Variants in SFMBT2 observed in about 807,000 individuals in gnomAD.
SFMBT2 encodes Scm like with four mbt domains 2.
Under a neutral mutation model 110.1 loss-of-function variants are expected in SFMBT2, and 38 were observed. The observed-to-expected ratio is 0.35, with a 90% CI of 0.27 to 0.45. SFMBT2 has a LOEUF of 0.45. Among genes scored for constraint, SFMBT2 ranks in the 20% least tolerant of loss-of-function variants. The pLI is 1.00. For synonymous variants in SFMBT2, 425 were observed against 425.4 expected (o/e 1.00, Z 0.01); for missense variants, 1,011 against 1,094.9 (o/e 0.92, Z 1.08).
In SFMBT2 at chr10:7,406,455, G is replaced by A. The variant is rs537846254; in HGVS notation, c.-52+4406C>T. ...CTTCTCAAATGTGGGAGTCCTTTGG[G>A]GGCAGTGGTTAAAAAAAAAAAAAAA... On this transcript the variant is annotated intron_variant, in intron 1 of 20. Transcript: ENST00000397167. Among the ~76,000 whole-genome samples, 450 of 150,790 alleles carry A rather than the reference G, an allele frequency of 3.0e-3. 3 individuals are homozygous for A. Among genetic ancestry groups the A allele is most frequent in the Non-Finnish European group, 5.2e-3 (353 of 67,788 alleles).
At chr10:7,185,118 G>A (rs1045293589) in intron 16 of SFMBT2, among the ~76,000 whole-genome samples, 1 of 152,164 alleles carries the variant, frequency 6.6e-6, no homozygotes, top group Middle Eastern at 3.2e-3. Context: ...ATCCCAAGGA[G>A]ACTACTGCTC....
chr10:7,347,424 A>G (rs924315629), intron 4 of SFMBT2, among the ~76,000 whole-genome samples: 2 of 152,188 alleles, frequency 1.3e-5, no homozygotes, highest in Non-Finnish European at 2.9e-5. Flanking sequence ...CACACCATCA[A>G]AGCCCTCACA....
At chr10:7,223,827 C>G (rs1839823800) in intron 10 of SFMBT2, among the ~76,000 whole-genome samples, 1 of 152,174 alleles carries the variant, frequency 6.6e-6, no homozygotes, top group South Asian at 2.1e-4. Context: ...CGTTTTGATT[C>G]AGTTGATTGT....
intron 4 of SFMBT2, among the ~76,000 whole-genome samples, chr10:7,320,921 C>T (rs960499683): frequency 1.3e-5 from 2 of 152,118 alleles, no homozygotes; most frequent in East Asian, 1.9e-4. Flanking sequence ...CTCCACTGCT[C>T]GGAATAGTAA....
chr10:7,352,763 G>A (rs572282706), intron 4 of SFMBT2, among the ~76,000 whole-genome samples: 118 of 152,350 alleles, frequency 7.7e-4, no homozygotes, highest in Non-Finnish European at 1.3e-3. Flanking sequence ...TGTAATCCCA[G>A]CACTTTGGGA....
chr10:7,345,080 G>C (rs1171421507), intron 4 of SFMBT2, among the ~76,000 whole-genome samples: 2 of 151,744 alleles, frequency 1.3e-5, no homozygotes, highest in African/African-American at 4.8e-5. Flanking sequence ...AAAGAACCCT[G>C]ACAGGGCTTC....
intron 15 of SFMBT2, 90 bp from the exon 16 acceptor site, chr10:7,188,823 T>C: frequency 9.5e-7 from 1 of 1,051,522 alleles, no homozygotes; most frequent in Non-Finnish European, 1.4e-6. Context: ...CACTGACATT[T>C]AGGAACAGCT....
chr10:7,287,376 G>C (rs897724966), intron 4 of SFMBT2: 1 of 244,088 alleles, frequency 4.1e-6, no homozygotes, highest in Non-Finnish European at 6.6e-6. Context: ...ACCGCACCCG[G>C]CCAAGGCATC....
intron 4 of SFMBT2, among the ~76,000 whole-genome samples, chr10:7,298,881 C>A (rs147466358): frequency 1.3e-5 from 2 of 151,992 alleles, no homozygotes; most frequent in Non-Finnish European, 2.9e-5. Flanking sequence ...GAAAGGATTA[C>A]GAACAACTAC....
intron 4 of SFMBT2, among the ~76,000 whole-genome samples, chr10:7,332,009 CTG>C (rs1843572687): frequency 9.7e-6 from 1 of 102,672 alleles, no homozygotes; most frequent in Admixed American, 1.3e-4. Flanking sequence ...GAATGAGACT[CTG>C]TCTCAAAAAA....
At chr10:7,199,112 G>A (rs1338047604) in intron 14 of SFMBT2, among the ~76,000 whole-genome samples, 1 of 151,986 alleles carries the variant, frequency 6.6e-6, no homozygotes, top group Non-Finnish European at 1.5e-5. Context: ...CTAAGTAGGT[G>A]GGATCACAGG....
chr10:7,277,512 C>G (rs918428442), intron 6 of SFMBT2: 1 of 214,948 alleles, frequency 4.7e-6, no homozygotes, highest in African/African-American at 2.3e-5. Flanking sequence ...TAAAATTTAC[C>G]AAGTTTAATA....
chr10:7,177,859 T>TA (rs58162082), intron 16 of SFMBT2, among the ~76,000 whole-genome samples: 64,854 of 145,918 alleles, frequency 0.44, 15,686 homozygotes, highest in East Asian at 0.66. Context: ...CTCTGTCTCT[T>TA]AAAAAAAAAA....
intron 1 of SFMBT2, among the ~76,000 whole-genome samples, chr10:7,385,750 A>T (rs1845577415): frequency 6.6e-6 from 1 of 152,218 alleles, no homozygotes; most frequent in Non-Finnish European, 1.5e-5. Context: ...CTGTAATCCC[A>T]GCACTTTGGG....
At chr10:7,202,688 T>C (rs1226225780) in intron 12 of SFMBT2, 166 bp from the exon 13 acceptor site, 119 of 985,290 alleles carry the variant, frequency 1.2e-4, no homozygotes, top group Non-Finnish European at 1.3e-4. Flanking sequence ...TCTTCTAGCA[T>C]AGGATAGACG....
In SFMBT2 at chr10:7,159,943, G is replaced by A. The variant is rs1200178040; in HGVS notation, c.*3827C>T. ...CTCAAAATTCTGTGAGATAAGTTAG[G>A]GAAACGACACCCATCTTCAAAAGGC... is the stretch of plus-strand genomic sequence containing the variant. On this transcript the variant is annotated 3_prime_UTR_variant, in exon 21 of 21. Coordinates refer to ENST00000397167, the MANE Select transcript of SFMBT2 (RefSeq NM_001387889.1). 1 of 152,116 alleles carries A rather than the reference G, an allele frequency of 6.6e-6. No homozygotes were observed. Among genetic ancestry groups the A allele is most frequent in the African/African-American group, 2.4e-5 (1 of 41,406 alleles). 9.4% of individuals were successfully genotyped at this position (152,116 alleles called of 1,614,324 possible).
chr10:7,405,744 G>C (rs911605780), intron 1 of SFMBT2, among the ~76,000 whole-genome samples: 7 of 152,064 alleles, frequency 4.6e-5, no homozygotes, highest in Admixed American at 4.6e-4. Context: ...TAAGGAGGTT[G>C]AGGCTGAGAA....
At chr10:7,221,320 A>G (rs1393285535) in intron 10 of SFMBT2, among the ~76,000 whole-genome samples, 2 of 151,826 alleles carry the variant, frequency 1.3e-5, no homozygotes, top group Non-Finnish European at 2.9e-5. Flanking sequence ...TAATCCCAGC[A>G]CTTTAGGAGG....
At chr10:7,179,415 A>C (rs933928406) in intron 16 of SFMBT2, among the ~76,000 whole-genome samples, 6 of 121,606 alleles carry the variant, frequency 4.9e-5, no homozygotes, top group South Asian at 2.5e-4. Flanking sequence ...AAAAAAAAAA[A>C]ACAAAAGAAA....
Sources: allele counts gnomAD v4.1 joint callset (sites outside exome capture counted in the v4.1 genomes callset), GRCh38; gene constraint gnomAD v4.1.1; transcripts MANE v1.5; gene names NCBI Gene and HGNC (gene_info 2026-07-23, HGNC 2026-07-21).